Variants in PHF20 observed in about 807,000 individuals in gnomAD.
PHF20 encodes the protein glioma-expressed antigen 2.
Under a neutral mutation model 113.5 loss-of-function variants are expected in PHF20, and 23 were observed. The ratio of observed to expected loss-of-function variants is 0.20; its 90% CI spans 0.15 to 0.29. PHF20 has a LOEUF of 0.29. Ranked by LOEUF, PHF20 falls within the 10% of genes least tolerant of loss-of-function variation. PHF20 has a pLI of 1.00. For missense variants in PHF20, 943 were observed against 1,219.6 expected, an observed-to-expected ratio of 0.77 and a Z score of 3.38; for synonymous variants, 434 against 457.3, an observed-to-expected ratio of 0.95 and a Z score of 0.65.
At chr20:35,909,642 T>C (rs2055261945) in intron 10 of PHF20, among the ~76,000 whole-genome samples, 1 of 152,220 alleles carries the variant, frequency 6.6e-6, no homozygotes, top group African/African-American at 2.4e-5. Context: ...GTCTAAGTTC[T>C]CTCCAGCTTT....
intron 9 of PHF20, among the ~76,000 whole-genome samples, chr20:35,886,422 G>A (rs2054734117): frequency 6.6e-6 from 1 of 152,008 alleles, no homozygotes; most frequent in Non-Finnish European, 1.5e-5. Flanking sequence ...CACTGTGCCT[G>A]GCCTTCGCTA....
intron 13 of PHF20, among the ~76,000 whole-genome samples, chr20:35,925,245 ATTAT>A (rs2055603826): frequency 7.1e-6 from 1 of 140,276 alleles, no homozygotes. Flanking sequence ...CTATTAATTT[ATTAT>A]TTTATTGAGA....
intron 4 of PHF20, chr20:35,849,353 A>G: frequency 2.2e-6 from 1 of 451,918 alleles, no homozygotes; most frequent in Non-Finnish European, 4.5e-6. Flanking sequence ...GTTTAGATCT[A>G]ATACCTGCAG....
At chr20:35,781,867 C>T (rs931805681) in intron 1 of PHF20, among the ~76,000 whole-genome samples, 4 of 152,082 alleles carry the variant, frequency 2.6e-5, no homozygotes, top group Non-Finnish European at 4.4e-5. Flanking sequence ...ACTGTTTGAA[C>T]GCGGGGGCGG....
At chr20:35,845,371 G>C (rs1048262396) in intron 3 of PHF20, 2 of 372,286 alleles carry the variant, frequency 5.4e-6, no homozygotes, top group Non-Finnish European at 1.1e-5. Flanking sequence ...ATCTTTTTTT[G>C]TTTTTTTTTA....
chr20:35,813,610 A>G (rs1220842133), intron 2 of PHF20, among the ~76,000 whole-genome samples: 2 of 152,176 alleles, frequency 1.3e-5, no homozygotes, highest in Non-Finnish European at 2.9e-5. Flanking sequence ...CTGTAATCCC[A>G]GCACTTTGGG....
chr20:35,811,265 T>C (rs1041345445), intron 2 of PHF20, among the ~76,000 whole-genome samples: 15 of 152,120 alleles, frequency 9.9e-5, no homozygotes, highest in African/African-American at 3.6e-4. Context: ...CAAGATGATC[T>C]TGATCTCTTG....
At chr20:35,932,338 G>A (rs1019604832) in intron 15 of PHF20, among the ~76,000 whole-genome samples, 2 of 150,842 alleles carry the variant, frequency 1.3e-5, no homozygotes, top group African/African-American at 4.9e-5. Flanking sequence ...CAAAGTGCTG[G>A]GATTACAGGC....
In PHF20 at chr20:35,947,921, C is replaced by T. The variant is rs932539138; in HGVS notation, c.*294C>T. The T allele has an allele frequency of 3.5e-6, 1 of 282,336 alleles. No homozygotes were observed. Among genetic ancestry groups the T allele is most frequent in the African/African-American group, 2.1e-5 (1 of 46,630 alleles). The allele number at this position is 282,336 out of a possible 1,614,324, so 17.5% of individuals were successfully genotyped here. Reference sequence around the variant, plus strand: ...GCACAAACTTCACTTGAAATTGTGCCACTGATGATAAACGGAATGAGAGCC... The same window carrying T: ...GCACAAACTTCACTTGAAATTGTGCTACTGATGATAAACGGAATGAGAGCC... On this transcript the variant is annotated 3_prime_UTR_variant, in exon 18 of 18. Transcript: ENST00000374012.
intron 1 of PHF20, among the ~76,000 whole-genome samples, chr20:35,783,229 C>T (rs2146832553): frequency 6.6e-6 from 1 of 152,086 alleles, no homozygotes; most frequent in African/African-American, 2.4e-5. Context: ...AAAAAGAAAA[C>T]ATAGTTTATA....
chr20:35,855,871 G>T (rs2042817610), intron 4 of PHF20, among the ~76,000 whole-genome samples: 1 of 151,958 alleles, frequency 6.6e-6, no homozygotes, highest in African/African-American at 2.4e-5. Context: ...TAGAGACAGG[G>T]TTTCACCATG....
At chr20:35,777,224 G>A (rs891903069) in intron 1 of PHF20, among the ~76,000 whole-genome samples, 53 of 152,120 alleles carry the variant, frequency 3.5e-4, no homozygotes, top group African/African-American at 1.3e-3. Flanking sequence ...TTACTTGTCA[G>A]TTCTCTTATC....
At chr20:35,874,887 A>G (rs1163075000) in intron 9 of PHF20, among the ~76,000 whole-genome samples, 1 of 151,724 alleles carries the variant, frequency 6.6e-6, no homozygotes, top group African/African-American at 2.4e-5. Flanking sequence ...GGAGTTCAAG[A>G]CTCGCTATAT....
Position 35,947,673 on chromosome 20 carries a change from C to T in PHF20, c.*46C>T, listed in dbSNP as rs760335887. The T allele has an allele frequency of 6.3e-7, 1 of 1,585,038 alleles. No homozygotes were observed. The highest frequency in any genetic ancestry group is 8.6e-7 in the Non-Finnish European group (1 of 1,158,810). On this transcript the variant is annotated 3_prime_UTR_variant, in exon 18 of 18. Coordinates refer to ENST00000374012, the MANE Select transcript of PHF20 (RefSeq NM_016436.5). ...TGGGGGCACAATCCTGGGGCACCTG[C>T]AGGAGGAGCTTCGCATATTTAAATA...
intron 4 of PHF20, among the ~76,000 whole-genome samples, chr20:35,850,284 G>GCTTCCCCC (rs1451934068): frequency 3.6e-5 from 5 of 137,756 alleles, no homozygotes; most frequent in African/African-American, 5.3e-5. Flanking sequence ...GGGCTGCTTA[G>GCTTCCCCC]CTTCCCCCTC....
chr20:35,858,198 A>G (rs2042873254), intron 4 of PHF20, 104 bp from the exon 5 acceptor site: 2 of 638,288 alleles, frequency 3.1e-6, no homozygotes, highest in South Asian at 4.1e-5. Context: ...TTAAACTCCT[A>G]TAAGCTTATT....
intron 13 of PHF20, among the ~76,000 whole-genome samples, chr20:35,926,404 A>AT (rs1227490924): frequency 1.1e-3 from 163 of 150,864 alleles, no homozygotes; most frequent in African/African-American, 3.6e-3. Context: ...CGCCCGGCTA[A>AT]TTTTTTTTGT....
At chr20:35,888,903 A>G (rs1168098689) in intron 9 of PHF20, among the ~76,000 whole-genome samples, 1 of 152,038 alleles carries the variant, frequency 6.6e-6, no homozygotes, top group East Asian at 1.9e-4. Flanking sequence ...GTATGTTCTA[A>G]ATGAACTGTC....
chr20:35,880,338 A>C (rs2054605691), intron 9 of PHF20, among the ~76,000 whole-genome samples: 1 of 152,090 alleles, frequency 6.6e-6, no homozygotes, highest in Non-Finnish European at 1.5e-5. Flanking sequence ...ATGTGTTTTG[A>C]GGTAATTGCA....
Sources: gnomAD v4.1 joint callset for allele counts (sites outside exome capture counted in the v4.1 genomes callset) on GRCh38, gnomAD v4.1.1 for gene constraint, MANE v1.5 for transcripts, NCBI Gene and HGNC (gene_info 2026-07-23, HGNC 2026-07-21) for gene names.